The following SASH1 variants were observed in gnomAD, a reference collection of about 807,000 sequenced individuals.
The protein encoded by SASH1 is SAM and SH3 domain containing 1.
SASH1 carries 44 observed loss-of-function variants against 125.2 expected under a neutral mutation model. The observed-to-expected ratio is 0.35, with a 90% CI of 0.28 to 0.45. SASH1 has a LOEUF of 0.45. SASH1 is among the 20% of genes least tolerant of loss of function. The pLI is 1.00. For synonymous variants in SASH1, 639 were observed against 649.1 expected (o/e 0.98, Z 0.24); for missense variants, 1,426 against 1,614.5 (o/e 0.88, Z 2.00).
At chr6:148,207,802 T>C in the SASH1 span, among the ~76,000 whole-genome samples, 1 of 152,218 alleles carries the variant, frequency 6.6e-6, no homozygotes, top group Non-Finnish European at 1.5e-5. Context: ...TCAGGTTCAG[T>C]GTAAGCCGTC....
chr6:148,332,182 G>A (rs1407455456), intron 1 of SASH1, among the ~76,000 whole-genome samples: 5 of 151,986 alleles, frequency 3.3e-5, no homozygotes, highest in African/African-American at 1.2e-4. Flanking sequence ...TGGCTCACCT[G>A]TAAGGCATTT....
At chr6:148,300,148 C>T (rs1199844830) in intron 1 of SASH1, among the ~76,000 whole-genome samples, 1 of 152,168 alleles carries the variant, frequency 6.6e-6, no homozygotes. Flanking sequence ...AGGCTAAAAA[C>T]CTGAGTATAG....
At chr6:148,378,879 C>T (rs983136652) in intron 1 of SASH1, among the ~76,000 whole-genome samples, 12 of 152,172 alleles carry the variant, frequency 7.9e-5, no homozygotes, top group African/African-American at 2.9e-4. Context: ...TTAAGATTCA[C>T]AGCTGGACAA....
At chr6:148,545,511 G>A (rs909362209) in intron 18 of SASH1, among the ~76,000 whole-genome samples, 1 of 152,194 alleles carries the variant, frequency 6.6e-6, no homozygotes, top group African/African-American at 2.4e-5. Context: ...CAGATAAAGT[G>A]CAAACAGTTG....
At chr6:148,472,990 A>T (rs1778184236) in intron 6 of SASH1, among the ~76,000 whole-genome samples, 2 of 152,226 alleles carry the variant, frequency 1.3e-5, no homozygotes, top group African/African-American at 4.8e-5. Context: ...CGCTGACCAG[A>T]GGCACCATTG....
chr6:148,342,055 T>C (rs190808488), upstream of SASH1, among the ~76,000 whole-genome samples: 5 of 152,306 alleles, frequency 3.3e-5, no homozygotes, highest in South Asian at 2.1e-4. Flanking sequence ...CATTTGAATT[T>C]AGTTTCGAAA....
At chr6:148,270,431 G>A (rs1418368580), upstream of SASH1, among the ~76,000 whole-genome samples, 1 of 152,048 alleles carries the variant, frequency 6.6e-6, no homozygotes, top group Non-Finnish European at 1.5e-5. Context: ...GTGCATTACT[G>A]ATACCGATGA....
intron 1 of SASH1, among the ~76,000 whole-genome samples, chr6:148,343,689 A>G (rs975621045): frequency 6.6e-5 from 10 of 152,150 alleles, no homozygotes; most frequent in Non-Finnish European, 1.0e-4. Context: ...CAGTTTTTCA[A>G]TTTGTGGAGT....
intron 1 of SASH1, among the ~76,000 whole-genome samples, chr6:148,287,702 T>TGA (rs1554229805): frequency 7.2e-6 from 1 of 139,426 alleles, no homozygotes; most frequent in Admixed American, 7.4e-5. Context: ...TGTGGGGGGG[T>TGA]GGGGGGTGGT....
chr6:148,229,909 G>A, the SASH1 span, among the ~76,000 whole-genome samples: 1 of 151,748 alleles, frequency 6.6e-6, no homozygotes, highest in Non-Finnish European at 1.5e-5. Context: ...ACGGGGTTTC[G>A]CCATGTTAGC....
the SASH1 span, among the ~76,000 whole-genome samples, chr6:148,258,021 C>T: frequency 6.6e-6 from 1 of 152,110 alleles, no homozygotes; most frequent in African/African-American, 2.4e-5. Context: ...GCTTTGCCCA[C>T]TGGCAAGCAC....
intron 1 of SASH1, among the ~76,000 whole-genome samples, chr6:148,282,935 G>T (rs1233955404): frequency 1.3e-5 from 2 of 152,066 alleles, no homozygotes; most frequent in Non-Finnish European, 2.9e-5. Context: ...TAGCTCATTT[G>T]TCTGCCAGAG....
intron 1 of SASH1, among the ~76,000 whole-genome samples, chr6:148,369,057 T>C (rs2114739002): frequency 6.6e-6 from 1 of 152,290 alleles, no homozygotes; most frequent in Middle Eastern, 3.4e-3. Context: ...CAAAGAGTTA[T>C]GAAGGAAACA....
chr6:148,491,047 GTCCTCAAGCGTATT>G (rs1263483672), intron 8 of SASH1, among the ~76,000 whole-genome samples: 1 of 152,036 alleles, frequency 6.6e-6, no homozygotes, highest in Non-Finnish European at 1.5e-5. Flanking sequence ...TTTCCTTCCC[GTCCTCAAGCGTATT>G]TATTGCTACC....
At chr6:148,416,531 A>G (rs1462972168) in intron 2 of SASH1, among the ~76,000 whole-genome samples, 2 of 152,170 alleles carry the variant, frequency 1.3e-5, no homozygotes, top group South Asian at 2.1e-4. Context: ...CATGTGTGCT[A>G]TGTGTCGCAA....
chr6:148,452,277 C>T (rs763842118), intron 4 of SASH1, among the ~76,000 whole-genome samples: 4 of 152,224 alleles, frequency 2.6e-5, no homozygotes, highest in Non-Finnish European at 4.4e-5. Context: ...GGCATGAGGG[C>T]CAGGTCACTG....
At chr6:148,222,099 T>C in the SASH1 span, among the ~76,000 whole-genome samples, 2 of 152,228 alleles carry the variant, frequency 1.3e-5, no homozygotes, top group African/African-American at 4.8e-5. Flanking sequence ...ATGGTCTCCC[T>C]GGTCAATGTG....
At chr6:148,460,127 G>A (rs1228287744) in intron 4 of SASH1, among the ~76,000 whole-genome samples, 2 of 152,182 alleles carry the variant, frequency 1.3e-5, no homozygotes, top group East Asian at 3.8e-4. Context: ...ACCTCCATAT[G>A]TCTAATGCAA....
chr6:148,330,359 T>C (rs1434708294), intron 1 of SASH1, among the ~76,000 whole-genome samples: 1 of 152,234 alleles, frequency 6.6e-6, no homozygotes, highest in African/African-American at 2.4e-5. Flanking sequence ...GAGTTTTAAC[T>C]GGAGCTTTAA....
Sources: gnomAD v4.1 joint callset for allele counts (sites outside exome capture counted in the v4.1 genomes callset) on GRCh38, gnomAD v4.1.1 for gene constraint, MANE v1.5 for transcripts, NCBI Gene and HGNC (gene_info 2026-07-23, HGNC 2026-07-21) for gene names.